The following TENM3 variants were observed in gnomAD, a reference collection of about 807,000 sequenced individuals.
TENM3 encodes the protein teneurin-3.
TENM3 carries 63 observed loss-of-function variants against 255.1 expected under a neutral mutation model. That is an observed-to-expected ratio of 0.25 (90% confidence interval 0.20 to 0.30). The LOEUF (loss-of-function observed/expected upper bound fraction) is 0.30. Ranked by LOEUF, TENM3 falls within the 10% of genes least tolerant of loss-of-function variation. The pLI is 1.00. For missense variants in TENM3, 2,929 were observed against 3,461.1 expected (o/e 0.85, Z 3.86); for synonymous variants, 1,306 against 1,322.3 (o/e 0.99, Z 0.27).
intron 3 of TENM3, among the ~76,000 whole-genome samples, chr4:182,483,845 G>C (rs1191436859): frequency 2.0e-5 from 3 of 152,114 alleles, no homozygotes; most frequent in African/African-American, 7.2e-5. Flanking sequence ...AGGAGGAAGA[G>C]AGTGAAGGGA....
the TENM3 span, chr4:181,820,247 C>T: frequency 6.6e-6 from 1 of 152,288 alleles, no homozygotes; most frequent in East Asian, 1.9e-4. Flanking sequence ...AAAGTCTCCT[C>T]CGCTGTTCAA....
the TENM3 span, among the ~76,000 whole-genome samples, chr4:181,670,559 G>A: frequency 2.6e-5 from 4 of 152,280 alleles, no homozygotes; most frequent in East Asian, 1.9e-4. Flanking sequence ...GAAAATACTA[G>A]CAATATTAAG....
At chr4:182,579,048 C>T (rs1184449672) in intron 3 of TENM3, among the ~76,000 whole-genome samples, 1 of 152,222 alleles carries the variant, frequency 6.6e-6, no homozygotes, top group Non-Finnish European at 1.5e-5. Flanking sequence ...ATGGAAGTCC[C>T]ATCTCCTCAA....
At chr4:182,330,132 T>C (rs1487796602) in intron 2 of TENM3, among the ~76,000 whole-genome samples, 2 of 152,322 alleles carry the variant, frequency 1.3e-5, no homozygotes, top group East Asian at 1.9e-4. Flanking sequence ...AAAGATTTCT[T>C]TTCCCATGCG....
intron 3 of TENM3, among the ~76,000 whole-genome samples, chr4:182,458,473 GT>G (rs1774043289): frequency 6.6e-6 from 1 of 152,106 alleles, no homozygotes; most frequent in Non-Finnish European, 1.5e-5. Flanking sequence ...AACTTATCTG[GT>G]GGTGTGACCT....
At chr4:182,395,088 C>T (rs1768713641) in intron 3 of TENM3, among the ~76,000 whole-genome samples, 1 of 152,132 alleles carries the variant, frequency 6.6e-6, no homozygotes, top group Non-Finnish European at 1.5e-5. Flanking sequence ...TGTGTGCACA[C>T]AGAATGCCAA....
At chr4:182,494,946 T>C (rs1420009348) in intron 3 of TENM3, among the ~76,000 whole-genome samples, 2 of 152,244 alleles carry the variant, frequency 1.3e-5, no homozygotes, top group African/African-American at 2.4e-5. Context: ...CTTTAGCCTC[T>C]AGTGCAGTAG....
intron 2 of TENM3, among the ~76,000 whole-genome samples, chr4:182,328,220 T>TTGTTTC (rs374792897): frequency 5.9e-5 from 9 of 152,154 alleles, no homozygotes; most frequent in African/African-American, 2.2e-4. Flanking sequence ...TTTTTTGTTT[T>TTGTTTC]TGTTTTTGTT....
chr4:182,524,214 CAATT>C (rs1036524939), intron 3 of TENM3, among the ~76,000 whole-genome samples: 26 of 152,218 alleles, frequency 1.7e-4, no homozygotes, highest in African/African-American at 6.3e-4. Flanking sequence ...TCAAATTGTA[CAATT>C]AATTATTTTG....
At chr4:182,255,417 C>G (rs187125538) in intron 1 of TENM3, among the ~76,000 whole-genome samples, 7 of 152,268 alleles carry the variant, frequency 4.6e-5, no homozygotes, top group African/African-American at 1.7e-4. Flanking sequence ...ACCTAGGACC[C>G]GCTGTCTCGT....
chr4:182,784,408 A>C (rs201613671), intron 24 of TENM3, among the ~76,000 whole-genome samples: 16,346 of 148,340 alleles, frequency 0.11, 1,267 homozygotes, highest in East Asian at 0.24. Flanking sequence ...GCACTCTGCC[A>C]GTTTTCAGAT....
At chr4:182,495,426 A>G (rs1016970643) in intron 3 of TENM3, among the ~76,000 whole-genome samples, 1 of 152,188 alleles carries the variant, frequency 6.6e-6, no homozygotes, top group African/African-American at 2.4e-5. Context: ...TTTTCTTTCA[A>G]ATAAACACAA....
chr4:182,169,453 T>A, intron 1 of TENM3: 1 of 342,252 alleles, frequency 2.9e-6, no homozygotes, highest in Non-Finnish European at 5.7e-6. Flanking sequence ...AAGAGAAAAA[T>A]ATATAATTTA....
intron 1 of TENM3, among the ~76,000 whole-genome samples, chr4:182,237,376 T>G (rs920302889): frequency 2.1e-5 from 1 of 48,452 alleles, no homozygotes; most frequent in Non-Finnish European, 3.9e-5. Context: ...TTCTGTTTTC[T>G]TTTTTTTGAA....
At chr4:181,746,554 A>G in the TENM3 span, among the ~76,000 whole-genome samples, 1 of 152,098 alleles carries the variant, frequency 6.6e-6, no homozygotes, top group Admixed American at 6.6e-5. Context: ...TAATAAGGAA[A>G]AAAATTGAAA....
chr4:182,110,194 A>G, the TENM3 span, among the ~76,000 whole-genome samples: 1 of 151,830 alleles, frequency 6.6e-6, no homozygotes, highest in Non-Finnish European at 1.5e-5. Flanking sequence ...ATGCATGCTC[A>G]TTATCTATGC....
the TENM3 span, among the ~76,000 whole-genome samples, chr4:182,079,312 C>T: frequency 6.6e-6 from 1 of 151,988 alleles, no homozygotes; most frequent in Non-Finnish European, 1.5e-5. Flanking sequence ...GTCAGGAGAT[C>T]GAGACCATCC....
chr4:182,525,600 C>CAGAA lies in TENM3; in HGVS notation c.512-75323_512-75320dup, dbSNP rs375537535. On this transcript the variant is annotated intron_variant, in intron 3 of 27. Coordinates refer to ENST00000511685, the MANE Select transcript of TENM3 (RefSeq NM_001080477.4). ...AATGTAATGCTGCTATAGAGTTGTC[C>CAGAA]AGAACTGTGTGTATGTACACCCGTC... Among the ~76,000 whole-genome samples the CAGAA allele has an allele frequency of 2.7e-3, 415 of 152,312 alleles. 1 individual carries two copies. The highest frequency in any genetic ancestry group is 9.5e-3 in the African/African-American group (396 of 41,550).
At chr4:182,444,051 T>C (rs894212259) in intron 3 of TENM3, among the ~76,000 whole-genome samples, 3 of 152,178 alleles carry the variant, frequency 2.0e-5, no homozygotes, top group Non-Finnish European at 2.9e-5. Context: ...ATAGGGTAAA[T>C]CAAAGAAAGA....
Sources: allele counts gnomAD v4.1 joint callset (sites outside exome capture counted in the v4.1 genomes callset), GRCh38; gene constraint gnomAD v4.1.1; transcripts MANE v1.5; gene names NCBI Gene and HGNC (gene_info 2026-07-23, HGNC 2026-07-21).